The following LRP1 variants were observed in gnomAD, a reference collection of about 807,000 sequenced individuals.
The protein encoded by LRP1 is LDL receptor related protein 1.
LRP1 carries 51 observed loss-of-function variants against 541.5 expected under a neutral mutation model. The ratio of observed to expected loss-of-function variants is 0.09; its 90% CI spans 0.08 to 0.12. LRP1 has a LOEUF of 0.12. LRP1 is among the 10% of genes least tolerant of loss of function. LRP1 has a pLI of 1.00. For synonymous variants in LRP1, 2,219 were observed against 2,470.8 expected, an observed-to-expected ratio of 0.90 and a Z score of 3.02; for missense variants, 3,878 against 6,376.2, an observed-to-expected ratio of 0.61 and a Z score of 13.34.
In LRP1 at chr12:57,138,532, C is replaced by T. The variant is rs757508983; in HGVS notation, c.141C>T (p.Cys47=). Residue 47 remains cysteine (C), a synonymous_variant, in exon 2 of 89, where the codon TGC becomes TGT. Transcript: ENST00000243077. ...CCTGTATCTCAAAGGGCTGGCGGTG[C>T]GACGGTGAGAGGGACTGCCCAGACG... The part of the protein sequence containing the change: ...QITCISKGWR[C]DGERDCPDGS... 1.8e-5 allele frequency: 29 copies of T among 1,613,920 alleles called. No individual in the cohort carries two copies. The highest frequency in any genetic ancestry group is 1.8e-4 in the South Asian group (16 of 91,070).
chr12:57,173,424 G>T lies in LRP1; in HGVS notation c.3346+74G>T, dbSNP rs2035983150. ...AGGAGACCGTGTTGAGAGCAGAGTAGCGGCAAAGGGGATGGCACTGTGCTG... is the reference window on the plus strand; with the variant it reads ...AGGAGACCGTGTTGAGAGCAGAGTATCGGCAAAGGGGATGGCACTGTGCTG... On this transcript the variant is annotated intron_variant, in intron 21 of 88. Coordinates refer to ENST00000243077, the MANE Select transcript of LRP1 (RefSeq NM_002332.3). The surrounding 1 kb of genome is among the most constrained non-coding windows in gnomAD (Gnocchi z 4.7). The T allele has an allele frequency of 1.3e-6, 2 of 1,482,408 alleles. No individual in the cohort carries two copies. The highest frequency in any genetic ancestry group is 1.8e-6 in the Non-Finnish European group (2 of 1,081,782). 91.8% of individuals were successfully genotyped at this position (1,482,408 alleles called of 1,614,324 possible). A position where few individuals can be genotyped will look rare whatever the true frequency, so the allele number is the denominator to read the frequency against.
intron 23 of LRP1, 33 bp from the exon 24 acceptor site, chr12:57,175,876 C>T (rs1446421472): frequency 6.2e-7 from 1 of 1,610,846 alleles, no homozygotes; most frequent in South Asian, 1.1e-5. Context: ...CAGCTAGCCC[C>T]TTGCTGACCC....
chr12:57,200,606 G>A (rs1488688174), intron 63 of LRP1, 71 bp downstream of exon 63: 9 of 1,542,608 alleles, frequency 5.8e-6, no homozygotes, highest in African/African-American at 1.4e-5. Context: ...GGCTTTGAAT[G>A]GCCACTGGAG....
At chr12:57,159,729 G>A (rs911179754) in intron 11 of LRP1, 96 bp from the exon 12 acceptor site, 37 of 1,272,212 alleles carry the variant, frequency 2.9e-5, no homozygotes, top group Non-Finnish European at 4.1e-5. Context: ...CTGTAGCCCA[G>A]ACTGCTCAAA....
chr12:57,196,776 G>A (rs74093378), intron 55 of LRP1, among the ~76,000 whole-genome samples: 1 of 152,332 alleles, frequency 6.6e-6, no homozygotes, highest in African/African-American at 2.4e-5. Flanking sequence ...ATTTCCATGG[G>A]GAGGGCACAC....
In LRP1 at chr12:57,191,016, C is replaced by T. The variant is rs2036367001; in HGVS notation, c.7236+7C>T. 2 of 1,608,146 alleles carry T rather than the reference C, an allele frequency of 1.2e-6. No individual in the cohort carries two copies. The highest frequency in any genetic ancestry group is 1.7e-6 in the Non-Finnish European group (2 of 1,179,042). On this transcript the variant is annotated splice_region_variant and intron_variant, in intron 43 of 88. Transcript: ENST00000243077. ...TGACGGCTCCCACCGCTATGTGAGT[C>T]TGCGGGGTGGGTGAGCTGGCGGGCG... is the stretch of plus-strand genomic sequence containing the variant.
intron 55 of LRP1, 126 bp downstream of exon 55, chr12:57,196,403 G>C: frequency 1.0e-6 from 1 of 995,922 alleles, no homozygotes; most frequent in Non-Finnish European, 1.5e-6. Flanking sequence ...ACAGAAATCT[G>C]CTTGGTTGGG....
In LRP1 at chr12:57,158,320, TGCAGCCCCTTGGCC is replaced by T; in HGVS notation, c.1562-72_1562-59del. 3.5e-6 allele frequency: 4 copies of T among 1,157,982 alleles called. No individual in the cohort carries two copies. In the East Asian group the frequency reaches 9.4e-5, roughly 27 times the overall value. The allele number at this position is 1,157,982 out of a possible 1,614,324, so 71.7% of individuals were successfully genotyped here. A position where few individuals can be genotyped will look rare whatever the true frequency, so the allele number is the denominator to read the frequency against. On this transcript the variant is annotated intron_variant, in intron 10 of 88. Coordinates refer to ENST00000243077, the MANE Select transcript of LRP1 (RefSeq NM_002332.3). This position sits in a 1 kb window ranked among gnomAD's most constrained non-coding sequence, Gnocchi z 5.3. ...TCCTGACCCATCACAGCTAGGGCAT[TGCAGCCCCTTGGCC>T]GCAGCCCCTGGGTGGGGATGATGGT... is the stretch of plus-strand genomic sequence containing the variant.
Position 57,179,644 on chromosome 12 carries a change from G to A in LRP1, c.4966+88G>A, listed in dbSNP as rs34664115. ...AACCCTGGTCTACTTGGTCCGAGTG[G>A]TCCTTCTCCCAGTCCTGTTCCCCCT... On this transcript the variant is annotated intron_variant, in intron 29 of 88. Transcript: ENST00000243077. This position sits in a 1 kb window ranked among gnomAD's most constrained non-coding sequence, Gnocchi z 6.8. 9.5e-5 allele frequency: 136 copies of A among 1,433,298 alleles called. 1 individual carries two copies. In the African/African-American group the frequency reaches 1.7e-3, roughly 18 times the overall value. 88.8% of individuals were successfully genotyped at this position (1,433,298 alleles called of 1,614,324 possible).
intron 17 of LRP1, 184 bp downstream of exon 17, chr12:57,166,393 A>T: frequency 1.3e-6 from 1 of 757,280 alleles, no homozygotes; most frequent in South Asian, 2.1e-5. Flanking sequence ...CCCACTCTTT[A>T]CAAAAAAAAT....
At position 57,205,795 on chromosome 12, in the gene LRP1, C is replaced by CGTTGCCCAGACAAGA. The variant is rs1156505379; in HGVS notation, c.11590+118_11590+119insGTTGCCCAGACAAGA. 1 of 1,434,610 alleles carries CGTTGCCCAGACAAGA rather than the reference C, an allele frequency of 7.0e-7. No individual in the cohort carries two copies. The highest frequency in any genetic ancestry group is 9.4e-7 in the Non-Finnish European group (1 of 1,068,890). 88.9% of individuals were successfully genotyped at this position (1,434,610 alleles called of 1,614,324 possible). ...GACATCTTGCCCAGACAAGAAGCCC[C>CGTTGCCCAGACAAGA]AGACTCATAGTTGCAGCTGCCTGAG... On this transcript the variant is annotated intron_variant, in intron 75 of 88. Transcript: ENST00000243077. This position sits in a 1 kb window ranked among gnomAD's most constrained non-coding sequence, Gnocchi z 4.6.
Position 57,185,600 on chromosome 12 carries a change from G to A in LRP1, c.6533G>A (p.Arg2178Gln), listed in dbSNP as rs561234397. ...TGCCTGTACCGGGGCCGTGGGCAGC[G>A]GGCCTGCGCCTGTGCCCACGGGATG... ...QLCLYRGRGQ[R>Q]ACACAHGMLA... Residue 2178 changes from arginine (R) to glutamine (Q), a missense_variant, in exon 41 of 89, where the codon CGG becomes CAG. By Grantham distance (43) the Arg-to-Gln change is conservative (BLOSUM62 1). Around this residue, in one of 13 missense-constraint regions of LRP1, gnomAD observed 1,100 missense variants for 1,827.4 expected, o/e 0.60. Transcript: ENST00000243077. The surrounding 1 kb of genome is among the most constrained non-coding windows in gnomAD (Gnocchi z 4.9). 8 of 1,608,056 alleles carry A rather than the reference G, an allele frequency of 5.0e-6. No individual in the cohort carries two copies. Among genetic ancestry groups the A allele is most frequent in the South Asian group, 3.3e-5 (3 of 91,032 alleles).
At position 57,197,577 on chromosome 12, in the gene LRP1, C is replaced by A; in HGVS notation, c.9195C>A (p.Asp3065Glu). 6.2e-7 allele frequency: 1 copy of A among 1,614,162 alleles called. No homozygotes were observed. Among genetic ancestry groups the A allele is most frequent in the South Asian group, 1.1e-5 (1 of 91,078 alleles). Residue 3065 changes from aspartate (D) to glutamate (E), a missense_variant, in exon 58 of 89, where the codon GAC becomes GAA. Asp to Glu is a conservative substitution (Grantham distance 45, BLOSUM62 2). Around this residue, in one of 13 missense-constraint regions of LRP1, gnomAD observed 1,100 missense variants for 1,827.4 expected, o/e 0.60. Coordinates refer to ENST00000243077, the MANE Select transcript of LRP1 (RefSeq NM_002332.3). This position sits in a 1 kb window ranked among gnomAD's most constrained non-coding sequence, Gnocchi z 4.5. Reference sequence around the variant, plus strand: ...ACAACGCCGTTGCCTTGGATTTTGACTACCGAGAGCAGATGATCTACTGGA... The same window carrying A: ...ACAACGCCGTTGCCTTGGATTTTGAATACCGAGAGCAGATGATCTACTGGA... ...GLNNAVALDF[D>E]YREQMIYWTD... is the part of the protein sequence containing the mutation.
In LRP1 at chr12:57,190,859, G is replaced by A. The variant is rs111471605; in HGVS notation, c.7086G>A (p.Ala2362=). The A allele has an allele frequency of 1.7e-3, 2,753 of 1,613,936 alleles. 41 individuals are homozygous for A. In the East Asian group the frequency reaches 0.022, roughly 13 times the overall value. ...AGCATCCCAGCATCATGCGGGCGGC[G>A]CTCTCGGGAGCCAATGTCCTGACCC... The part of the protein sequence containing the change: ...NEQHPSIMRA[A]LSGANVLTLI... Residue 2362 remains alanine, a synonymous_variant, in exon 43 of 89, where the codon GCG becomes GCA. Transcript: ENST00000243077.
Position 57,154,193 on chromosome 12 carries a change from A to G in LRP1, c.842-15A>G. ...GCCTACCCCACCCCATGGCTCTTTC[A>G]TTCGTACTCTCCAGACGTGGAACAG... On this transcript the variant is annotated splice_polypyrimidine_tract_variant and intron_variant, in intron 6 of 88. Coordinates refer to ENST00000243077, the MANE Select transcript of LRP1 (RefSeq NM_002332.3). The surrounding 1 kb of genome is among the most constrained non-coding windows in gnomAD (Gnocchi z 4.6). 6.2e-7 allele frequency: 1 copy of G among 1,606,446 alleles called. No individual in the cohort carries two copies. The highest frequency in any genetic ancestry group is 2.2e-5 in the East Asian group (1 of 44,682).
In LRP1 at chr12:57,205,272, A is replaced by G; in HGVS notation, c.11335+23A>G. On this transcript the variant is annotated intron_variant, in intron 73 of 88. Transcript: ENST00000243077. The surrounding 1 kb of genome is among the most constrained non-coding windows in gnomAD (Gnocchi z 4.6). ...TCGGTGAGGCCCGGCAGCGGACCGGACGCTGGTGGGGAGTGGGGAGAGCCA... is the reference window on the plus strand; with the variant it reads ...TCGGTGAGGCCCGGCAGCGGACCGGGCGCTGGTGGGGAGTGGGGAGAGCCA... 1.2e-6 allele frequency: 2 copies of G among 1,603,798 alleles called. No individual in the cohort carries two copies. Among genetic ancestry groups the G allele is most frequent in the Non-Finnish European group, 1.7e-6 (2 of 1,173,308 alleles).
chr12:57,183,881 G>A lies in LRP1; in HGVS notation c.5901G>A (p.Val1967=). The change falls in exon 36 of 89, where the codon GTG becomes GTA. Residue 1967 remains valine, a synonymous_variant. Transcript: ENST00000243077. This position sits in a 1 kb window ranked among gnomAD's most constrained non-coding sequence, Gnocchi z 6.1. ...EDVVTNGIGR[V]EGIAVDWIAG... The stretch of plus-strand genomic sequence containing the variant: ...TGGTGACCAATGGCATTGGCCGTGT[G>A]GAGGGCATTGCAGTGGACTGGATCG... The A allele has an allele frequency of 1.2e-6, 2 of 1,614,216 alleles. No homozygotes were observed. Among genetic ancestry groups the A allele is most frequent in the Non-Finnish European group, 1.7e-6 (2 of 1,180,046 alleles).
At chr12:57,181,355 C>T in intron 34 of LRP1, 64 bp downstream of exon 34, 1 of 1,542,182 alleles carries the variant, frequency 6.5e-7, no homozygotes, top group Non-Finnish European at 8.7e-7. Flanking sequence ...TCCTACCCTA[C>T]AGCCCCACCT....
chr12:57,209,330 C>T, intron 79 of LRP1, 131 bp downstream of exon 79: 1 of 740,362 alleles, frequency 1.4e-6, no homozygotes, highest in Non-Finnish European at 2.2e-6. Flanking sequence ...GCAGCGCCTT[C>T]CAGGCCTCTC....
Sources: allele counts gnomAD v4.1 joint callset (sites outside exome capture counted in the v4.1 genomes callset), GRCh38; gene constraint gnomAD v4.1.1; regional missense constraint gnomAD v4.1.1; non-coding constraint Gnocchi (gnomAD v3.1); transcripts MANE v1.5; gene names NCBI Gene and HGNC (gene_info 2026-07-23, HGNC 2026-07-21).